The following SLC24A2 variants were observed in gnomAD, a reference collection of about 807,000 sequenced individuals.
SLC24A2 encodes solute carrier family 24 member 2.
A neutral mutation model predicts 62.0 loss-of-function variants in SLC24A2; 36 were observed. The observed-to-expected ratio is 0.58, with a 90% CI of 0.44 to 0.77. The LOEUF is 0.77. Ranked by LOEUF, SLC24A2 falls within the 30% of genes least tolerant of loss-of-function variation. SLC24A2 has a pLI of 0.00. For missense variants in SLC24A2, 846 were observed against 817.9 expected, an observed-to-expected ratio of 1.03 and a Z score of -0.42; for synonymous variants, 358 against 294.0, an observed-to-expected ratio of 1.22 and a Z score of -2.23.
chr9:19,935,856 C>A, the SLC24A2 span, among the ~76,000 whole-genome samples: 2 of 152,112 alleles, frequency 1.3e-5, no homozygotes, highest in African/African-American at 2.4e-5. Context: ...TCAACCCAAT[C>A]CATTACCCTG....
chr9:20,221,193 A>G, the SLC24A2 span, among the ~76,000 whole-genome samples: 2 of 152,098 alleles, frequency 1.3e-5, no homozygotes, highest in Non-Finnish European at 2.9e-5. Flanking sequence ...GATAAGAGTG[A>G]CATGGAGTGT....
At chr9:20,191,747 T>G in the SLC24A2 span, among the ~76,000 whole-genome samples, 17 of 150,884 alleles carry the variant, frequency 1.1e-4, no homozygotes, top group African/African-American at 4.1e-4. Flanking sequence ...TGCTATGCAG[T>G]GGGTAGATGA....
intron 2 of SLC24A2, among the ~76,000 whole-genome samples, chr9:19,642,355 C>T (rs1271956420): frequency 2.0e-5 from 3 of 152,132 alleles, no homozygotes; most frequent in African/African-American, 7.2e-5. Context: ...GAAGATGTGC[C>T]CAGTCATCAG....
intron 2 of SLC24A2, among the ~76,000 whole-genome samples, chr9:19,686,681 C>A (rs998373633): frequency 1.3e-5 from 2 of 152,104 alleles, no homozygotes; most frequent in South Asian, 2.1e-4. Flanking sequence ...TGAAGAAGGA[C>A]ATGTTTGCTT....
chr9:20,043,043 C>T, the SLC24A2 span, among the ~76,000 whole-genome samples: 3 of 152,116 alleles, frequency 2.0e-5, no homozygotes, highest in Non-Finnish European at 4.4e-5. Flanking sequence ...AATAACCCTA[C>T]AATGGCCTGT....
At chr9:20,160,359 C>A in the SLC24A2 span, among the ~76,000 whole-genome samples, 1 of 151,328 alleles carries the variant, frequency 6.6e-6, no homozygotes, top group Non-Finnish European at 1.5e-5. Flanking sequence ...CTTTAACATA[C>A]TACTCTCATA....
At chr9:19,729,163 G>A (rs980414405) in intron 2 of SLC24A2, among the ~76,000 whole-genome samples, 4 of 152,088 alleles carry the variant, frequency 2.6e-5, no homozygotes, top group African/African-American at 4.8e-5. Context: ...TCAGGGAAAC[G>A]CAGATCAAAA....
At chr9:19,627,162 A>G (rs543363037) in intron 2 of SLC24A2, among the ~76,000 whole-genome samples, 1 of 152,336 alleles carries the variant, frequency 6.6e-6, no homozygotes, top group East Asian at 1.9e-4. Context: ...CCCAGGGTGC[A>G]GGAGTACCCA....
At chr9:19,773,183 A>C (rs1471020819) in intron 2 of SLC24A2, among the ~76,000 whole-genome samples, 1 of 152,236 alleles carries the variant, frequency 6.6e-6, no homozygotes, top group Admixed American at 6.5e-5. Flanking sequence ...AGAGACTATC[A>C]GTGTGTACAG....
At chr9:19,951,566 T>A in the SLC24A2 span, among the ~76,000 whole-genome samples, 2 of 152,074 alleles carry the variant, frequency 1.3e-5, no homozygotes, top group African/African-American at 4.8e-5. Flanking sequence ...GATTTATTTT[T>A]TTTTTCTATA....
the SLC24A2 span, among the ~76,000 whole-genome samples, chr9:19,958,844 AAACGC>A: frequency 6.6e-6 from 1 of 152,266 alleles, no homozygotes; most frequent in Non-Finnish European, 1.5e-5. Context: ...ACTTTTTAAT[AAACGC>A]AAGGTAAAAT....
chr9:19,759,819 T>C (rs78782031), intron 2 of SLC24A2, among the ~76,000 whole-genome samples: 1,880 of 152,280 alleles, frequency 0.012, 44 homozygotes, highest in African/African-American at 0.043. Flanking sequence ...CTGGCATAAA[T>C]AGGGCTCCTG....
the SLC24A2 span, among the ~76,000 whole-genome samples, chr9:19,899,579 T>C: frequency 6.6e-6 from 1 of 152,206 alleles, no homozygotes; most frequent in African/African-American, 2.4e-5. Flanking sequence ...GTTTATAAGA[T>C]ATAACAATGT....
chr9:20,087,911 A>C, the SLC24A2 span, among the ~76,000 whole-genome samples: 2 of 152,152 alleles, frequency 1.3e-5, no homozygotes, highest in Non-Finnish European at 2.9e-5. Context: ...TACCCAGGGA[A>C]GCGGTGAGTG....
At chr9:19,558,218 G>T (rs906460040) in intron 7 of SLC24A2, among the ~76,000 whole-genome samples, 1 of 152,150 alleles carries the variant, frequency 6.6e-6, no homozygotes, top group African/African-American at 2.4e-5. Flanking sequence ...CAGACCTGGG[G>T]GTGTGTGGAG....
chr9:19,868,709 A>G, the SLC24A2 span, among the ~76,000 whole-genome samples: 8 of 151,986 alleles, frequency 5.3e-5, no homozygotes, highest in East Asian at 3.8e-4. Flanking sequence ...TGCTGGTTTC[A>G]TTATGAAATG....
the SLC24A2 span, among the ~76,000 whole-genome samples, chr9:20,261,283 T>A: frequency 0.12 from 18,476 of 151,824 alleles, 2,084 homozygotes; most frequent in East Asian, 0.51. Flanking sequence ...CTTCATAATT[T>A]AAAAAAAACT....
At chr9:20,170,387 T>G in the SLC24A2 span, among the ~76,000 whole-genome samples, 1 of 152,122 alleles carries the variant, frequency 6.6e-6, no homozygotes, top group African/African-American at 2.4e-5. Flanking sequence ...TTTTATCTCC[T>G]TAACACAATC....
At chr9:20,176,417 T>A in the SLC24A2 span, among the ~76,000 whole-genome samples, 1 of 152,080 alleles carries the variant, frequency 6.6e-6, no homozygotes, top group South Asian at 2.1e-4. Context: ...TCAGAGAATA[T>A]TCTACCTGAA....
Sources: gnomAD v4.1 joint callset for allele counts (sites outside exome capture counted in the v4.1 genomes callset) on GRCh38, gnomAD v4.1.1 for gene constraint, MANE v1.5 for transcripts, NCBI Gene and HGNC (gene_info 2026-07-23, HGNC 2026-07-21) for gene names.